Variants in DLAT observed in about 807,000 individuals in gnomAD.
DLAT encodes the protein dihydrolipoamide S-acetyltransferase, also known as dihydrolipoyllysine-residue acetyltransferase component of pyruvate dehydrogenase complex, mitochondrial.
DLAT carries 43 observed loss-of-function variants against 68.0 expected under a neutral mutation model. The observed-to-expected ratio is 0.63, with a 90% CI of 0.50 to 0.81. DLAT has a LOEUF of 0.81. Among genes scored for constraint, DLAT ranks in the 40% least tolerant of loss-of-function variants. The pLI is 0.00. For missense variants in DLAT, 745 were observed against 815.4 expected (o/e 0.91, Z 1.05); for synonymous variants, 265 against 288.6 (o/e 0.92, Z 0.83).
chr11:112,051,529 T>C lies in DLAT; in HGVS notation c.1514+180T>C, dbSNP rs1287491158. On this transcript the variant is annotated intron_variant, in intron 11 of 13. Coordinates refer to ENST00000280346, the MANE Select transcript of DLAT (RefSeq NM_001931.5). This position sits in a 1 kb window ranked among gnomAD's most constrained non-coding sequence, Gnocchi z 4.3. Reference sequence around the variant, plus strand: ...AGTTACTGCTTTTTACTTTTTTTTCTTACTGGCCCCAATTTTCAACCTTGT... The same window carrying C: ...AGTTACTGCTTTTTACTTTTTTTTCCTACTGGCCCCAATTTTCAACCTTGT... Among the ~76,000 whole-genome samples the C allele has an allele frequency of 6.6e-6, 1 of 152,192 alleles. No individual in the cohort carries two copies. Among genetic ancestry groups the C allele is most frequent in the African/African-American group, 2.4e-5 (1 of 41,446 alleles).
chr11:112,046,363 C>T (rs1555181480), intron 10 of DLAT, among the ~76,000 whole-genome samples: 1 of 151,606 alleles, frequency 6.6e-6, no homozygotes, highest in Non-Finnish European at 1.5e-5. Flanking sequence ...CCAGCACCAT[C>T]TTTCCCCATC....
chr11:112,043,485 A>G lies in DLAT; in HGVS notation c.1149A>G (p.Arg383=). ...TTACAGGGACAGGACCAGATGGTAGAATCACCAAGAAGGATATCGACTCTT... is the reference window on the plus strand; with the variant it reads ...TTACAGGGACAGGACCAGATGGTAGGATCACCAAGAAGGATATCGACTCTT... ...TQVKGTGPDG[R]ITKKDIDSFV... is the part of the protein sequence containing the mutation. The change falls in exon 8 of 14, where the codon AGA becomes AGG. Residue 383 remains arginine, a synonymous_variant. Coordinates refer to ENST00000280346, the MANE Select transcript of DLAT (RefSeq NM_001931.5). 6.2e-7 allele frequency: 1 copy of G among 1,614,176 alleles called. No homozygotes were observed. The highest frequency in any genetic ancestry group is 8.5e-7 in the Non-Finnish European group (1 of 1,180,002).
At chr11:112,030,344 A>C (rs1862326348) in intron 4 of DLAT, 1 of 476,110 alleles carries the variant, frequency 2.1e-6, no homozygotes, top group African/African-American at 2.0e-5. Flanking sequence ...TGGGGTTAGC[A>C]GGGCTTGAAG....
At chr11:112,027,994 G>C (rs1555179572) in intron 2 of DLAT, among the ~76,000 whole-genome samples, 1 of 152,058 alleles carries the variant, frequency 6.6e-6, no homozygotes, top group Non-Finnish European at 1.5e-5. Context: ...CGAAGAGACT[G>C]GCTTTGCCTA....
intron 5 of DLAT, among the ~76,000 whole-genome samples, chr11:112,036,167 A>ATG (rs1311809853): frequency 0.052 from 4,288 of 82,412 alleles, 310 homozygotes; most frequent in Middle Eastern, 0.095. Context: ...GTGTGTATAT[A>ATG]TGTGTGTGTG....
chr11:112,026,542 C>T (rs2137681150), intron 2 of DLAT, among the ~76,000 whole-genome samples: 1 of 152,040 alleles, frequency 6.6e-6, no homozygotes, highest in Non-Finnish European at 1.5e-5. Context: ...GAGCATGCTG[C>T]CTTCAAGCAT....
intron 5 of DLAT, among the ~76,000 whole-genome samples, 159 bp from the exon 6 acceptor site, chr11:112,037,114 G>C (rs1007476206): frequency 1.3e-5 from 2 of 152,262 alleles, no homozygotes; most frequent in East Asian, 3.9e-4. Flanking sequence ...TCCCCGTATT[G>C]TAGGTAAAGA....
intron 8 of DLAT, 63 bp downstream of exon 8, chr11:112,043,596 A>C (rs965544190): frequency 5.2e-6 from 7 of 1,341,724 alleles, no homozygotes; most frequent in Non-Finnish European, 7.5e-6. Context: ...AGACCATTTC[A>C]TACATTATTT....
At chr11:112,060,494 A>G (rs912531347) in intron 12 of DLAT, among the ~76,000 whole-genome samples, 3 of 151,878 alleles carry the variant, frequency 2.0e-5, no homozygotes, top group Admixed American at 6.6e-5. Context: ...CACTCTTGTC[A>G]CCCAGGTTGG....
At chr11:112,048,407 T>G (rs1863436820) in intron 10 of DLAT, among the ~76,000 whole-genome samples, 1 of 152,224 alleles carries the variant, frequency 6.6e-6, no homozygotes, top group Non-Finnish European at 1.5e-5. Context: ...AATCATGTCA[T>G]CTACAAACAG....
chr11:112,026,145 TGA>T (rs2137678141), intron 1 of DLAT, 51 bp from the exon 2 acceptor site: 1 of 1,317,874 alleles, frequency 7.6e-7, no homozygotes, highest in Non-Finnish European at 1.1e-6. Flanking sequence ...TAAGCCAGAC[TGA>T]GAGTTAGGTA....
chr11:112,030,431 C>A, intron 4 of DLAT: 1 of 368,106 alleles, frequency 2.7e-6, no homozygotes. Context: ...AGGGGACAGA[C>A]ATCCAAGCTG....
At chr11:112,038,962 AATACT>A (rs1854041076) in intron 6 of DLAT, among the ~76,000 whole-genome samples, 1 of 152,128 alleles carries the variant, frequency 6.6e-6, no homozygotes, top group African/African-American at 2.4e-5. Flanking sequence ...AAGGCTGTAG[AATACT>A]ATACACTGAT....
chr11:112,026,916 C>G (rs587760443), intron 2 of DLAT, among the ~76,000 whole-genome samples: 1 of 151,582 alleles, frequency 6.6e-6, no homozygotes, highest in Admixed American at 6.6e-5. Context: ...CCTCACCTCC[C>G]GGGCGGGGCA....
At chr11:112,042,989 A>G (rs1048644217) in intron 7 of DLAT, among the ~76,000 whole-genome samples, 2 of 152,250 alleles carry the variant, frequency 1.3e-5, no homozygotes, top group Admixed American at 6.5e-5. Context: ...TCTGTATAAA[A>G]GGAATTCTTT....
chr11:112,027,984 C>G (rs140688968), intron 2 of DLAT, among the ~76,000 whole-genome samples: 1 of 150,900 alleles, frequency 6.6e-6, no homozygotes, highest in Non-Finnish European at 1.5e-5. Context: ...GAGATGAGTT[C>G]GAAGAGACTG....
intron 8 of DLAT, among the ~76,000 whole-genome samples, chr11:112,044,724 T>A (rs1351424428): frequency 6.6e-6 from 1 of 152,012 alleles, no homozygotes; most frequent in Admixed American, 6.6e-5. Context: ...GGGACAGAAA[T>A]AGGTATTCTA....
chr11:112,062,991 G>T lies in DLAT; in HGVS notation c.*456G>T. Reference sequence around the variant, plus strand: ...TCTTGGGGGAAGGGCTTGAATTGAAGCTTTACTTTAGAATTTAGCCCTGGT... The same window carrying T: ...TCTTGGGGGAAGGGCTTGAATTGAATCTTTACTTTAGAATTTAGCCCTGGT... On this transcript the variant is annotated 3_prime_UTR_variant, in exon 14 of 14. Coordinates refer to ENST00000280346, the MANE Select transcript of DLAT (RefSeq NM_001931.5). 6.2e-6 allele frequency: 1 copy of T among 160,448 alleles called. No homozygotes were observed. Among genetic ancestry groups the T allele is most frequent in the Admixed American group, 5.9e-5 (1 of 16,872 alleles). 9.9% of individuals were successfully genotyped at this position (160,448 alleles called of 1,614,324 possible).
At chr11:112,037,762 G>T (rs1005528525) in intron 6 of DLAT, among the ~76,000 whole-genome samples, 1 of 140,862 alleles carries the variant, frequency 7.1e-6, no homozygotes, top group Non-Finnish European at 1.5e-5. Flanking sequence ...GGAAAGTAAG[G>T]CTTCATTGCC....
Sources: allele counts gnomAD v4.1 joint callset (sites outside exome capture counted in the v4.1 genomes callset), GRCh38; gene constraint gnomAD v4.1.1; non-coding constraint Gnocchi (gnomAD v3.1); transcripts MANE v1.5; gene names NCBI Gene and HGNC (gene_info 2026-07-23, HGNC 2026-07-21).